Variants in TANC2 observed in about 807,000 individuals in gnomAD.
TANC2 encodes the protein tetratricopeptide repeat, ankyrin repeat and coiled-coil containing 2, also known as protein TANC2.
A neutral mutation model predicts 210.5 loss-of-function variants in TANC2; 26 were observed. The ratio of observed to expected loss-of-function variants is 0.12; its 90% CI spans 0.09 to 0.17. TANC2 has a LOEUF of 0.17. Ranked by LOEUF, TANC2 falls within the 10% of genes least tolerant of loss-of-function variation. The pLI is 1.00. For missense variants in TANC2, 2,129 were observed against 2,608.9 expected, an observed-to-expected ratio of 0.82 and a Z score of 4.01; for synonymous variants, 931 against 967.1, an observed-to-expected ratio of 0.96 and a Z score of 0.69.
At chr17:63,157,377 G>A (rs947562741) in intron 5 of TANC2, among the ~76,000 whole-genome samples, 6 of 152,290 alleles carry the variant, frequency 3.9e-5, no homozygotes, top group Non-Finnish European at 7.4e-5. Context: ...AAATCTGAAG[G>A]CTTGGCCTCT....
At chr17:63,023,826 T>C (rs1313881958) in intron 2 of TANC2, among the ~76,000 whole-genome samples, 1 of 152,194 alleles carries the variant, frequency 6.6e-6, no homozygotes, top group Non-Finnish European at 1.5e-5. Flanking sequence ...AAAATGTGAC[T>C]GGAGAGTGAA....
intron 8 of TANC2, among the ~76,000 whole-genome samples, chr17:63,240,095 A>C (rs536818570): frequency 3.3e-5 from 5 of 152,348 alleles, no homozygotes; most frequent in East Asian, 3.9e-4. Context: ...TCAACTGTAC[A>C]TTATGAAAAG....
chr17:63,389,798 A>C (rs73992111), intron 17 of TANC2: 3 of 480,762 alleles, frequency 6.2e-6, no homozygotes, highest in Non-Finnish European at 1.1e-5. Flanking sequence ...AAGTTTCTAC[A>C]TAACAACCCA....
At chr17:63,012,453 T>C (rs1431503298) in intron 2 of TANC2, among the ~76,000 whole-genome samples, 1 of 152,228 alleles carries the variant, frequency 6.6e-6, no homozygotes, top group Non-Finnish European at 1.5e-5. Flanking sequence ...TTAATTGATA[T>C]GTTTACCCTC....
chr17:63,255,775 G>C (rs1284001937), intron 8 of TANC2, among the ~76,000 whole-genome samples: 2 of 149,334 alleles, frequency 1.3e-5, no homozygotes, highest in Non-Finnish European at 3.0e-5. Context: ...TTGATCTTTT[G>C]TATTTTTTGT....
chr17:63,194,937 TCAG>T (rs1380146042), intron 6 of TANC2, among the ~76,000 whole-genome samples: 1 of 152,198 alleles, frequency 6.6e-6, no homozygotes, highest in Non-Finnish European at 1.5e-5. Flanking sequence ...ATCTTAATCT[TCAG>T]CGTGAATGTC....
chr17:63,009,432 AC>A (rs1012238274), intron 1 of TANC2, 104 bp from the exon 2 acceptor site: 9 of 689,858 alleles, frequency 1.3e-5, no homozygotes, highest in African/African-American at 5.4e-5. Context: ...GTCCAGTTGT[AC>A]CCTTTAAGTT....
chr17:63,419,863 C>A, intron 27 of TANC2, 136 bp from the exon 28 acceptor site: 1 of 1,018,156 alleles, frequency 9.8e-7, no homozygotes, highest in Non-Finnish European at 1.4e-6. Flanking sequence ...CCCTATAAAT[C>A]CAACTAAACC....
chr17:63,330,727 A>G (rs572762996), intron 11 of TANC2, among the ~76,000 whole-genome samples: 1 of 152,350 alleles, frequency 6.6e-6, no homozygotes, highest in East Asian at 1.9e-4. Context: ...AGCCACAACA[A>G]GAGCCTCTAG....
chr17:63,113,199 TAGAAC>T (rs2038120750), intron 4 of TANC2, among the ~76,000 whole-genome samples: 1 of 152,226 alleles, frequency 6.6e-6, no homozygotes, highest in Non-Finnish European at 1.5e-5. Context: ...ATATAAAGCT[TAGAAC>T]AGAATATATG....
chr17:63,338,594 C>A (rs2046116631), intron 11 of TANC2, among the ~76,000 whole-genome samples: 1 of 152,180 alleles, frequency 6.6e-6, no homozygotes, highest in Admixed American at 6.6e-5. Context: ...GAGGACAGAT[C>A]AATTGCTGAC....
intron 19 of TANC2, among the ~76,000 whole-genome samples, chr17:63,402,982 T>C (rs767110070): frequency 7.9e-5 from 12 of 152,250 alleles, no homozygotes; most frequent in Non-Finnish European, 1.2e-4. Context: ...CATGTCCAGC[T>C]ATCAGCTGAA....
chr17:63,086,875 C>T (rs1390445147), intron 3 of TANC2, among the ~76,000 whole-genome samples: 1 of 152,114 alleles, frequency 6.6e-6, no homozygotes, highest in Admixed American at 6.5e-5. Flanking sequence ...GTAAAATGCA[C>T]CAATCAGCAT....
chr17:63,212,483 C>T (rs2041915879), intron 7 of TANC2, among the ~76,000 whole-genome samples: 1 of 152,078 alleles, frequency 6.6e-6, no homozygotes, highest in African/African-American at 2.4e-5. Flanking sequence ...GACAAGTGAG[C>T]CATGTAATGA....
intron 4 of TANC2, among the ~76,000 whole-genome samples, chr17:63,147,539 C>T (rs1198234008): frequency 6.6e-6 from 1 of 152,142 alleles, no homozygotes; most frequent in Non-Finnish European, 1.5e-5. Context: ...CATACGATCA[C>T]CTGCAGGGCT....
At chr17:63,063,575 T>TGTAG (rs142486219) in intron 2 of TANC2, among the ~76,000 whole-genome samples, 27,113 of 131,812 alleles carry the variant, frequency 0.21, 3,177 homozygotes, top group African/African-American at 0.29. Flanking sequence ...TGTGTGTGTG[T>TGTAG]AGATATATCT....
chr17:63,184,520 C>T (rs2040906259), intron 5 of TANC2, among the ~76,000 whole-genome samples: 1 of 152,142 alleles, frequency 6.6e-6, no homozygotes, highest in African/African-American at 2.4e-5. Flanking sequence ...TTCAGCAGTT[C>T]AGAAGCTTCC....
At chr17:63,413,148 G>A (rs954150714) in intron 24 of TANC2, 11 of 208,082 alleles carry the variant, frequency 5.3e-5, no homozygotes, top group East Asian at 1.1e-4. Context: ...AAACATCTGG[G>A]GGTTTTGAGT....
At chr17:63,079,318 G>A (rs763954441) in intron 3 of TANC2, among the ~76,000 whole-genome samples, 1 of 152,066 alleles carries the variant, frequency 6.6e-6, no homozygotes, top group Non-Finnish European at 1.5e-5. Context: ...TTGGGGTTTG[G>A]GGTACATAAA....
Sources: gnomAD v4.1 joint callset for allele counts (sites outside exome capture counted in the v4.1 genomes callset) on GRCh38, gnomAD v4.1.1 for gene constraint, MANE v1.5 for transcripts, NCBI Gene and HGNC (gene_info 2026-07-23, HGNC 2026-07-21) for gene names.